The following STOM variants were observed in gnomAD, a reference collection of about 807,000 sequenced individuals.
The protein encoded by STOM is stomatin.
STOM carries 25 observed loss-of-function variants against 30.6 expected under a neutral mutation model. That is an observed-to-expected ratio of 0.82 (90% CI 0.60 to 1.14). STOM has a LOEUF of 1.14. Among genes scored for constraint, STOM ranks in the 50% most tolerant of loss-of-function variants. The pLI is 0.00. For missense variants in STOM, 292 were observed against 365.2 expected (o/e 0.80, Z 1.63); for synonymous variants, 118 against 130.8 (o/e 0.90, Z 0.67).
chr9:121,343,466 T>C (rs532348177), intron 6 of STOM, among the ~76,000 whole-genome samples: 1 of 152,312 alleles, frequency 6.6e-6, no homozygotes, highest in East Asian at 1.9e-4. Context: ...AAGTAGATCA[T>C]TTCATTCTAG....
chr9:121,361,578 C>T (rs111368026), intron 1 of STOM, among the ~76,000 whole-genome samples: 17,130 of 151,680 alleles, frequency 0.11, 1,196 homozygotes, highest in Middle Eastern at 0.17. Flanking sequence ...TTAGTAGAGA[C>T]GGAGTTTCAC....
intron 1 of STOM, among the ~76,000 whole-genome samples, chr9:121,356,936 T>C (rs1290069384): frequency 1.3e-5 from 2 of 152,080 alleles, no homozygotes; most frequent in African/African-American, 4.8e-5. Flanking sequence ...TGAGCCAAGA[T>C]TGTACCACTG....
chr9:121,358,463 AAAGG>A (rs560934797), intron 1 of STOM, among the ~76,000 whole-genome samples: 2 of 151,884 alleles, frequency 1.3e-5, no homozygotes, highest in South Asian at 2.1e-4. Flanking sequence ...GAAAGAAAGA[AAAGG>A]AAGGAAGGAA....
chr9:121,361,228 T>C (rs780871537), intron 1 of STOM, among the ~76,000 whole-genome samples: 2 of 152,070 alleles, frequency 1.3e-5, no homozygotes, highest in Non-Finnish European at 2.9e-5. Flanking sequence ...CTACCACTTC[T>C]GGGAATAAGA....
intron 1 of STOM, among the ~76,000 whole-genome samples, chr9:121,361,378 GA>G (rs1299600591): frequency 4.5e-5 from 6 of 133,626 alleles, no homozygotes; most frequent in Non-Finnish European, 3.1e-5. Flanking sequence ...TACACTTGTG[GA>G]CTTTTTTTTT....
intron 6 of STOM, among the ~76,000 whole-genome samples, chr9:121,344,900 A>G (rs2064276461): frequency 6.6e-6 from 1 of 152,258 alleles, no homozygotes; most frequent in Non-Finnish European, 1.5e-5. Flanking sequence ...CAGGCCACTA[A>G]GAGCTGGTCT....
At chr9:121,366,296 A>C in intron 1 of STOM, 1 of 969,468 alleles carries the variant, frequency 1.0e-6, no homozygotes, top group South Asian at 4.8e-5. Flanking sequence ...TGTAGCAACA[A>C]GTGTGTGTCA....
At chr9:121,341,746 A>G (rs2064248793) in intron 6 of STOM, among the ~76,000 whole-genome samples, 1 of 152,236 alleles carries the variant, frequency 6.6e-6, no homozygotes, top group Admixed American at 6.5e-5. Context: ...TTTGCAAGTC[A>G]GCAGCATTTC....
chr9:121,350,945 AT>A (rs2064333562), intron 4 of STOM, among the ~76,000 whole-genome samples: 1 of 152,236 alleles, frequency 6.6e-6, no homozygotes, highest in Admixed American at 6.5e-5. Flanking sequence ...ATTATTTCCC[AT>A]GACATGATGG....
At chr9:121,366,669 T>C (rs2064506314) in intron 1 of STOM, among the ~76,000 whole-genome samples, 1 of 152,214 alleles carries the variant, frequency 6.6e-6, no homozygotes, top group Non-Finnish European at 1.5e-5. Context: ...AACAATGTTA[T>C]TTACTCCAGG....
chr9:121,352,436 A>T (rs995391707), intron 4 of STOM, among the ~76,000 whole-genome samples: 1 of 152,122 alleles, frequency 6.6e-6, no homozygotes, highest in Non-Finnish European at 1.5e-5. Context: ...CCTACACATC[A>T]CTTTATTCAT....
At chr9:121,367,275 T>G (rs554386405) in intron 1 of STOM, among the ~76,000 whole-genome samples, 23 of 152,352 alleles carry the variant, frequency 1.5e-4, no homozygotes, top group Admixed American at 4.6e-4. Context: ...TGATTTTGAA[T>G]TCCATCTGTA....
At chr9:121,349,584 T>C (rs921776892) in intron 4 of STOM, among the ~76,000 whole-genome samples, 13 of 152,286 alleles carry the variant, frequency 8.5e-5, no homozygotes, top group Admixed American at 8.5e-4. Context: ...GAAAAAAACT[T>C]GGTTCCTCCT....
chr9:121,347,511 A>C (rs1386286796), intron 6 of STOM, among the ~76,000 whole-genome samples: 1 of 152,226 alleles, frequency 6.6e-6, no homozygotes, highest in African/African-American at 2.4e-5. Flanking sequence ...AAACAGTAAA[A>C]GGGAAAAAGA....
chr9:121,345,236 A>G (rs759534895), intron 6 of STOM, among the ~76,000 whole-genome samples: 7 of 152,198 alleles, frequency 4.6e-5, no homozygotes, highest in Non-Finnish European at 1.0e-4. Context: ...CAGTATGAAT[A>G]GACATTGCCA....
intron 1 of STOM, among the ~76,000 whole-genome samples, chr9:121,360,559 T>C (rs1237670198): frequency 2.0e-5 from 3 of 152,224 alleles, no homozygotes; most frequent in Non-Finnish European, 4.4e-5. Flanking sequence ...ATGTAGATGA[T>C]AGTTTTCTGT....
chr9:121,357,324 C>T (rs1041685920), intron 1 of STOM, among the ~76,000 whole-genome samples: 28 of 151,402 alleles, frequency 1.8e-4, no homozygotes, highest in Admixed American at 1.3e-4. Context: ...GCAAAAAATT[C>T]ACAGAAGTAT....
chr9:121,354,985 C>T (rs2064371476), intron 2 of STOM, among the ~76,000 whole-genome samples: 1 of 152,128 alleles, frequency 6.6e-6, no homozygotes, highest in Non-Finnish European at 1.5e-5. Flanking sequence ...GCAGGCCAGG[C>T]ACGGTGGCTC....
In STOM at chr9:121,353,283, T is replaced by C; in HGVS notation, c.258A>G (p.Pro86=). 1 of 1,610,522 alleles carries C rather than the reference T, an allele frequency of 6.2e-7. No homozygotes were observed. Among genetic ancestry groups the C allele is most frequent in the Non-Finnish European group, 8.5e-7 (1 of 1,178,308 alleles). ...CCACTTTGATGAAGCTGTCAGTGCA[T>C]GGCAGAATAAAAAACAAACCTGCAA... ...AKGPGLFFIL[P]CTDSFIKVDM... The change falls in exon 4 of 7, where the codon CCA becomes CCG. Residue 86 remains proline (P), a synonymous_variant. Coordinates refer to ENST00000286713, the MANE Select transcript of STOM (RefSeq NM_004099.6).
Sources: gnomAD v4.1 joint callset for allele counts (sites outside exome capture counted in the v4.1 genomes callset) on GRCh38, gnomAD v4.1.1 for gene constraint, MANE v1.5 for transcripts, NCBI Gene and HGNC (gene_info 2026-07-23, HGNC 2026-07-21) for gene names.